Variants in VPS8 observed in about 807,000 individuals in gnomAD.
The protein encoded by VPS8 is VPS8 subunit of CORVET complex.
VPS8 carries 129 observed loss-of-function variants against 216.4 expected under a neutral mutation model. The ratio of observed to expected loss-of-function variants is 0.60; its 90% CI spans 0.52 to 0.69. The LOEUF (loss-of-function observed/expected upper bound fraction) is 0.69, where lower values mean the gene tolerates loss of function less well. Ranked by LOEUF, VPS8 falls within the 30% of genes least tolerant of loss-of-function variation. The probability of loss-of-function intolerance (pLI) is 0.00; values close to 1 mark genes in which losing one functional copy is unlikely to be tolerated. For missense variants in VPS8, 1,531 were observed against 1,683.5 expected, an observed-to-expected ratio of 0.91 and a Z score of 1.59; for synonymous variants, 571 against 565.4, an observed-to-expected ratio of 1.01 and a Z score of -0.14.
intron 42 of VPS8, among the ~76,000 whole-genome samples, chr3:184,988,464 T>C (rs1751439462): frequency 6.6e-6 from 1 of 152,236 alleles, no homozygotes; most frequent in African/African-American, 2.4e-5. Flanking sequence ...TTGCTTAGTT[T>C]ACCATATTCA....
chr3:184,949,606 T>G (rs1744293910), intron 36 of VPS8, among the ~76,000 whole-genome samples: 1 of 152,166 alleles, frequency 6.6e-6, no homozygotes, highest in Non-Finnish European at 1.5e-5. Context: ...AGAGGAAAGT[T>G]TCTGTCTCAG....
At chr3:184,987,780 A>G (rs748265116) in intron 42 of VPS8, among the ~76,000 whole-genome samples, 47 of 152,324 alleles carry the variant, frequency 3.1e-4, no homozygotes, top group South Asian at 6.2e-4. Flanking sequence ...ATATAAGACT[A>G]TGCTTACTTT....
At chr3:184,969,283 AATT>A (rs1747952162) in intron 39 of VPS8, among the ~76,000 whole-genome samples, 2 of 150,730 alleles carry the variant, frequency 1.3e-5, no homozygotes, top group Non-Finnish European at 2.9e-5. Context: ...ACACCCGGCT[AATT>A]TTTGTATTTT....
intron 21 of VPS8, among the ~76,000 whole-genome samples, chr3:184,877,702 C>T (rs530929116): frequency 6.6e-6 from 1 of 152,294 alleles, no homozygotes; most frequent in Admixed American, 6.5e-5. Flanking sequence ...GGCTCAGGAG[C>T]CTCGACCCTG....
intron 18 of VPS8, 105 bp downstream of exon 18, chr3:184,868,164 T>C: frequency 8.1e-7 from 1 of 1,236,262 alleles, no homozygotes; most frequent in Non-Finnish European, 1.2e-6. Flanking sequence ...CTTCTTAATT[T>C]CAGAAGTGTA....
intron 46 of VPS8, among the ~76,000 whole-genome samples, chr3:185,040,725 A>T (rs1327671862): frequency 1.3e-5 from 2 of 152,214 alleles, no homozygotes; most frequent in African/African-American, 4.8e-5. Context: ...CACAGCTAAC[A>T]TACTGATATC....
At chr3:184,878,135 A>G (rs1280862860) in intron 21 of VPS8, among the ~76,000 whole-genome samples, 1 of 151,208 alleles carries the variant, frequency 6.6e-6, no homozygotes, top group Non-Finnish European at 1.5e-5. Flanking sequence ...TTTGAGATGG[A>G]GTCTCACTCT....
chr3:185,048,941 T>A (rs1713580424), intron 47 of VPS8, among the ~76,000 whole-genome samples: 1 of 152,206 alleles, frequency 6.6e-6, no homozygotes, highest in Non-Finnish European at 1.5e-5. Context: ...TGAATTAGTT[T>A]TGGCCATGAA....
chr3:185,042,931 G>A (rs1017235641), intron 46 of VPS8, among the ~76,000 whole-genome samples: 14 of 152,126 alleles, frequency 9.2e-5, no homozygotes, highest in East Asian at 3.8e-4. Context: ...AAACCAATTG[G>A]GGGACATTTT....
intron 40 of VPS8, among the ~76,000 whole-genome samples, chr3:184,977,010 ACT>A (rs761634508): frequency 6.6e-6 from 1 of 151,550 alleles, no homozygotes; most frequent in African/African-American, 2.4e-5. Flanking sequence ...TGGTAGTTCA[ACT>A]CTCGGTTCTT....
chr3:184,962,724 AGTGTGTGT>A (rs10562348), intron 37 of VPS8, among the ~76,000 whole-genome samples: 47,286 of 145,616 alleles, frequency 0.32, 8,372 homozygotes, highest in East Asian at 0.48. Context: ...TTAAGGCTTA[AGTGTGTGT>A]GTGTGTGTGT....
intron 36 of VPS8, among the ~76,000 whole-genome samples, chr3:184,957,032 A>G (rs967882316): frequency 6.6e-6 from 1 of 152,218 alleles, no homozygotes; most frequent in African/African-American, 2.4e-5. Flanking sequence ...ATGGTTATAT[A>G]TAGTTACTTA....
intron 33 of VPS8, among the ~76,000 whole-genome samples, chr3:184,930,263 A>G (rs1740448092): frequency 6.6e-6 from 1 of 152,200 alleles, no homozygotes; most frequent in South Asian, 2.1e-4. Context: ...ACCAAAATTA[A>G]TTAGAACTGA....
At chr3:184,849,308 T>C (rs1200312555) in intron 9 of VPS8, 113 bp downstream of exon 9, 8 of 1,256,390 alleles carry the variant, frequency 6.4e-6, no homozygotes, top group Admixed American at 5.5e-5. Context: ...AATATGTTTG[T>C]AGAGCTAACC....
At chr3:184,935,178 C>T (rs921500751) in intron 34 of VPS8, among the ~76,000 whole-genome samples, 1 of 151,862 alleles carries the variant, frequency 6.6e-6, no homozygotes, top group Non-Finnish European at 1.5e-5. Flanking sequence ...AAAAAAAAAT[C>T]AATTCAGGCT....
rs375857253 is a variant in VPS8, at chr3:184,901,177, C to G, written c.2146+205C>G. On this transcript the variant is annotated intron_variant, in intron 25 of 47. Coordinates refer to ENST00000625842, the MANE Select transcript of VPS8 (RefSeq NM_001009921.3). The stretch of plus-strand genomic sequence containing the variant: ...CCTTCCCCTTTGTACTTGATCCTTT[C>G]CCCACAGCCCTGCTCTGGGCAGTCA... 8.5e-4 allele frequency: 467 copies of G among 550,084 alleles called. 11 individuals carry two copies. The South Asian group carries it at 0.012, about 14-fold the overall frequency. The allele number at this position is 550,084 out of a possible 1,614,324, so 34.1% of individuals were successfully genotyped here.
chr3:184,825,140 G>A (rs565988243), intron 2 of VPS8: 8 of 225,638 alleles, frequency 3.5e-5, no homozygotes, highest in Non-Finnish European at 7.4e-5. Context: ...CTGGACTTAA[G>A]CAGTTCTCCC....
rs768285651 is a variant in VPS8 at position 184,834,634 on chromosome 3, C to CT, written c.354-4dup. On this transcript the variant is annotated splice_polypyrimidine_tract_variant and intron_variant, in intron 4 of 47. Transcript: ENST00000625842. ...TTTTTATCTGTTTTTAAATGTTTTT[C>CT]TTTTTTTTTTTCAGGAAGAAGAAAT... The CT allele has an allele frequency of 0.076, 72,119 of 945,304 alleles. 1 individual carries two copies. The highest frequency in any genetic ancestry group is 0.1 in the South Asian group (4,860 of 48,460). The allele number at this position is 945,304 out of a possible 1,614,324, so 58.6% of individuals were successfully genotyped here. A position where few individuals can be genotyped will look rare whatever the true frequency, so the allele number is the denominator to read the frequency against.
chr3:184,839,867 A>C, intron 7 of VPS8, 115 bp downstream of exon 7: 1 of 1,442,876 alleles, frequency 6.9e-7, no homozygotes, highest in East Asian at 2.7e-5. Flanking sequence ...AAACCAGAAA[A>C]ACTTGAAAAG....
Sources: gnomAD v4.1 joint callset for allele counts (sites outside exome capture counted in the v4.1 genomes callset) on GRCh38, gnomAD v4.1.1 for gene constraint, MANE v1.5 for transcripts, NCBI Gene and HGNC (gene_info 2026-07-23, HGNC 2026-07-21) for gene names.